Variants in ACAP2 observed in about 807,000 individuals in gnomAD.
The protein encoded by ACAP2 is ArfGAP with coiled-coil, ankyrin repeat and PH domains 2.
ACAP2 carries 39 observed loss-of-function variants against 115.8 expected under a neutral mutation model. The observed-to-expected ratio is 0.34, with a 90% CI of 0.26 to 0.44. ACAP2 has a LOEUF of 0.44. Among genes scored for constraint, ACAP2 ranks in the 20% least tolerant of loss-of-function variants. The pLI is 1.00. For missense variants in ACAP2, 662 were observed against 927.6 expected (o/e 0.71, Z 3.72); for synonymous variants, 289 against 315.8 (o/e 0.92, Z 0.90).
intron 10 of ACAP2, among the ~76,000 whole-genome samples, chr3:195,310,045 T>C (rs1407866925): frequency 6.6e-6 from 1 of 152,336 alleles, no homozygotes; most frequent in African/African-American, 2.4e-5. Context: ...TGATTTCTAT[T>C]GTAACATTAG....
intron 20 of ACAP2, among the ~76,000 whole-genome samples, chr3:195,289,549 C>T (rs1201308222): frequency 6.6e-6 from 1 of 151,918 alleles, no homozygotes; most frequent in Admixed American, 6.6e-5. Flanking sequence ...GCCTGTAATC[C>T]CAGCACTTTG....
intron 1 of ACAP2, among the ~76,000 whole-genome samples, chr3:195,408,534 C>T (rs1481669097): frequency 2.6e-5 from 4 of 152,092 alleles, no homozygotes; most frequent in South Asian, 2.1e-4. Context: ...CATTTAAAGA[C>T]GAACTTACAC....
At chr3:195,373,497 A>C (rs1329653656) in intron 4 of ACAP2, among the ~76,000 whole-genome samples, 2 of 152,242 alleles carry the variant, frequency 1.3e-5, no homozygotes, top group African/African-American at 2.4e-5. Flanking sequence ...TTAAAAGTAG[A>C]ATTCAAACAG....
chr3:195,388,098 A>C lies in ACAP2; in HGVS notation c.111+3992T>G, dbSNP rs185533209. On this transcript the variant is annotated intron_variant, in intron 2 of 22. Transcript: ENST00000326793. ...CAAAACTATAATATTATAACAGCTT[A>C]AATCAGAGTACATGCAAGAAACAAT... 3.9e-5 allele frequency among the ~76,000 whole-genome samples: 6 copies of C among 152,326 alleles called. No individual in the cohort carries two copies. In the East Asian group the frequency reaches 1.2e-3, roughly 29 times the overall value.
intron 11 of ACAP2, among the ~76,000 whole-genome samples, chr3:195,307,595 G>A (rs2108986665): frequency 6.6e-6 from 1 of 152,252 alleles, no homozygotes. Context: ...CTCAATAAAT[G>A]TTAATGTTCT....
chr3:195,418,688 C>A (rs1414933959), intron 1 of ACAP2, among the ~76,000 whole-genome samples: 1 of 152,160 alleles, frequency 6.6e-6, no homozygotes, highest in Non-Finnish European at 1.5e-5. Context: ...CCACGGCGTC[C>A]CCAAGTGCTG....
chr3:195,430,612 G>A (rs1279957587), intron 1 of ACAP2, among the ~76,000 whole-genome samples: 1 of 152,144 alleles, frequency 6.6e-6, no homozygotes, highest in African/African-American at 2.4e-5. Flanking sequence ...CTACTCGGGA[G>A]GCTGAGGCAG....
intron 2 of ACAP2, among the ~76,000 whole-genome samples, chr3:195,382,508 C>T (rs1734014824): frequency 6.6e-6 from 1 of 152,042 alleles, no homozygotes; most frequent in African/African-American, 2.4e-5. Flanking sequence ...CCTCCAACTC[C>T]CTGTTCTTCC....
intron 1 of ACAP2, among the ~76,000 whole-genome samples, chr3:195,431,411 G>A (rs1715111668): frequency 6.6e-6 from 1 of 151,822 alleles, no homozygotes; most frequent in Non-Finnish European, 1.5e-5. Flanking sequence ...TGGCTCGCTA[G>A]AACTCATATG....
At chr3:195,430,734 A>T (rs1715054730) in intron 1 of ACAP2, among the ~76,000 whole-genome samples, 1 of 151,942 alleles carries the variant, frequency 6.6e-6, no homozygotes, top group Non-Finnish European at 1.5e-5. Context: ...AAAAAAAATC[A>T]TATGGGGAAA....
chr3:195,289,238 A>T lies in ACAP2; in HGVS notation c.2064-7T>A. ...TAGGAATAAACATACCTGCCTGTTTAAGAACACAGCATTTTTGAGATATTG... is the reference window on the plus strand; with the variant it reads ...TAGGAATAAACATACCTGCCTGTTTTAGAACACAGCATTTTTGAGATATTG... On this transcript the variant is annotated splice_polypyrimidine_tract_variant and splice_region_variant and intron_variant, in intron 20 of 22. Transcript: ENST00000326793. The T allele has an allele frequency of 6.3e-7, 1 of 1,594,108 alleles. No homozygotes were observed. The highest frequency in any genetic ancestry group is 8.6e-7 in the Non-Finnish European group (1 of 1,168,126).
At chr3:195,400,936 T>C (rs1712234588) in intron 1 of ACAP2, among the ~76,000 whole-genome samples, 2 of 152,182 alleles carry the variant, frequency 1.3e-5, no homozygotes, top group Non-Finnish European at 2.9e-5. Context: ...GGCTCATGCC[T>C]GTAATACTGG....
chr3:195,291,824 A>G lies in ACAP2; in HGVS notation c.1954-9T>C. The G allele has an allele frequency of 6.2e-7, 1 of 1,600,116 alleles. No individual in the cohort carries two copies. The highest frequency in any genetic ancestry group is 8.5e-7 in the Non-Finnish European group (1 of 1,173,452). On this transcript the variant is annotated splice_polypyrimidine_tract_variant and intron_variant, in intron 19 of 22. Coordinates refer to ENST00000326793, the MANE Select transcript of ACAP2 (RefSeq NM_012287.6). ...CACGTCACCAAAGAGCCCTTAAAGG[A>G]AAAAAGAGGATAACTATAGACAAAA...
chr3:195,372,581 G>A (rs1733228437), intron 4 of ACAP2, among the ~76,000 whole-genome samples: 1 of 152,034 alleles, frequency 6.6e-6, no homozygotes. Context: ...CACTACTCTG[G>A]GAGGCTGAGG....
intron 12 of ACAP2, chr3:195,306,916 T>C (rs62287069): frequency 0.22 from 67,978 of 307,590 alleles, 10,435 homozygotes; most frequent in East Asian, 0.7. Context: ...TTTTTTCTAC[T>C]GGGTACAAAC....
At chr3:195,297,931 T>C (rs1727759085) in intron 15 of ACAP2, among the ~76,000 whole-genome samples, 2 of 152,236 alleles carry the variant, frequency 1.3e-5, no homozygotes, top group Non-Finnish European at 2.9e-5. Context: ...TATCTGTACC[T>C]TCTTAGCTAA....
chr3:195,292,471 C>A lies in ACAP2; in HGVS notation c.1766-19G>T. The A allele has an allele frequency of 6.4e-7, 1 of 1,571,254 alleles. No homozygotes were observed. The highest frequency in any genetic ancestry group is 8.6e-7 in the Non-Finnish European group (1 of 1,165,346). Reference sequence around the variant, plus strand: ...TCTCCTTCTGAAAAGCAAACACATACACATCAATAAAAATGAGCTCTTGGC... The same window carrying A: ...TCTCCTTCTGAAAAGCAAACACATAAACATCAATAAAAATGAGCTCTTGGC... On this transcript the variant is annotated intron_variant, in intron 18 of 22. Transcript: ENST00000326793.
chr3:195,292,538 G>C (rs1560207478), intron 18 of ACAP2, 86 bp from the exon 19 acceptor site: 1 of 1,349,254 alleles, frequency 7.4e-7, no homozygotes, highest in Non-Finnish European at 1.0e-6. Flanking sequence ...TTTCAGTTTT[G>C]CAAGATAAAA....
At chr3:195,418,739 G>A (rs1447926065) in intron 1 of ACAP2, among the ~76,000 whole-genome samples, 2 of 152,148 alleles carry the variant, frequency 1.3e-5, no homozygotes, top group African/African-American at 4.8e-5. Flanking sequence ...CCAAGTAACT[G>A]CTCTATCAAT....
Sources: gnomAD v4.1 joint callset for allele counts (sites outside exome capture counted in the v4.1 genomes callset) on GRCh38, gnomAD v4.1.1 for gene constraint, MANE v1.5 for transcripts, NCBI Gene and HGNC (gene_info 2026-07-23, HGNC 2026-07-21) for gene names.